GALK1: variants seen among roughly 807,000 people sequenced by gnomAD.
GALK1 encodes the protein galactokinase.
GALK1 carries 30 observed loss-of-function variants against 38.6 expected under a neutral mutation model. The ratio of observed to expected loss-of-function variants is 0.78; its 90% CI spans 0.58 to 1.05. GALK1 has a LOEUF of 1.05. Ranked by LOEUF, GALK1 falls within the 50% of genes least tolerant of loss-of-function variation. The probability of loss-of-function intolerance (pLI) is 0.00; values close to 1 mark genes in which losing one functional copy is unlikely to be tolerated. For missense variants in GALK1, 512 were observed against 540.5 expected (o/e 0.95, Z 0.52); for synonymous variants, 240 against 233.6 (o/e 1.03, Z -0.25).
chr17:75,756,938 C>T (rs772367507), downstream of GALK1: 42 of 1,612,366 alleles, frequency 2.6e-5, no homozygotes, highest in Non-Finnish European at 3.6e-5. Context: ...ATCTTCCCTG[C>T]TCAGGGCCAG....
At chr17:75,759,531 A>T (rs1401134529) in intron 5 of GALK1, among the ~76,000 whole-genome samples, 1 of 152,002 alleles carries the variant, frequency 6.6e-6, no homozygotes, top group African/African-American at 2.4e-5. Context: ...TGAGGGAAGG[A>T]GCCAGGCAGC....
At chr17:75,761,523 A>G (rs1175345135) in intron 5 of GALK1, among the ~76,000 whole-genome samples, 2 of 150,726 alleles carry the variant, frequency 1.3e-5, no homozygotes, top group Non-Finnish European at 3.0e-5. Flanking sequence ...AAGCTAAGGC[A>G]GGAGAATCAT....
In GALK1 at chr17:75,758,319, A is replaced by C. The variant is rs2061565422; in HGVS notation, c.998T>G (p.Leu333Arg). 1.3e-6 allele frequency: 2 copies of C among 1,594,140 alleles called. No homozygotes were observed. The highest frequency in any genetic ancestry group is 1.7e-6 in the Non-Finnish European group (2 of 1,171,310). Reference sequence around the variant, plus strand: ...GCTGCCATAAACCCCAGGCACAGCAAGCGCAGCCTCCACCAGCTGGTCCAG... The same window carrying C: ...GCTGCCATAAACCCCAGGCACAGCACGCGCAGCCTCCACCAGCTGGTCCAG... The part of the protein sequence containing the change: ...PELDQLVEAA[L>R]AVPGVYGSRM... The change falls in exon 7 of 8, where the codon CTT becomes CGT. Residue 333 changes from leucine to arginine, a missense_variant. Transcript: ENST00000588479.
downstream of GALK1, chr17:75,754,977 C>G: frequency 6.5e-7 from 1 of 1,530,504 alleles, no homozygotes; most frequent in Non-Finnish European, 8.9e-7. Flanking sequence ...CACACATGTA[C>G]ACAGACATGC....
rs140567957 is a variant in GALK1, at chr17:75,752,220, C to T, written c.*23-483G>A. ...AAGTGCTGGTTGACAACCCTAAGAACCGGATGCTGCTTATTGAGAACCTTC... is the reference window on the plus strand; with the variant it reads ...AAGTGCTGGTTGACAACCCTAAGAATCGGATGCTGCTTATTGAGAACCTTC... On this transcript the variant is annotated intron_variant, in intron 8 of 8. Transcript: ENST00000225614. 1 of 1,613,812 alleles carries T rather than the reference C, an allele frequency of 6.2e-7. No homozygotes were observed. Among genetic ancestry groups the T allele is most frequent in the African/African-American group, 1.3e-5 (1 of 74,938 alleles).
At position 75,765,056 on chromosome 17, in the gene GALK1, CT is replaced by C; in HGVS notation, c.80del (p.Glu27GlyfsTer34). On this transcript the variant is annotated frameshift_variant, in exon 1 of 8. Coordinates refer to ENST00000588479, the MANE Select transcript of GALK1 (RefSeq NM_000154.2). LOFTEE classifies it high-confidence loss of function. ...CCGGCGCTGACACGGCCAGCTCGGG[CT>C]CGGCCCCGAACTCCTCCCGGAAGGC... The part of the protein sequence containing the change: ...RRAFREEFGA[E>X]PELAVSAPGR... 1 of 1,604,580 alleles carries C rather than the reference CT, an allele frequency of 6.2e-7. No individual in the cohort carries two copies. The highest frequency in any genetic ancestry group is 1.1e-5 in the South Asian group (1 of 89,952).
chr17:75,752,236 G>A, intron 8 of GALK1: 3 of 1,613,830 alleles, frequency 1.9e-6, no homozygotes, highest in Non-Finnish European at 2.5e-6. Context: ...GCTGCTTATT[G>A]AGAACCTTCG....
At chr17:75,764,713 G>A in intron 1 of GALK1, 1 of 614,942 alleles carries the variant, frequency 1.6e-6, no homozygotes, top group South Asian at 1.8e-5. Context: ...GGTTGAAGGC[G>A]AGGAGCCCCA....
downstream of GALK1, among the ~76,000 whole-genome samples, chr17:75,753,608 C>T (rs2143445930): frequency 6.6e-6 from 1 of 152,330 alleles, no homozygotes; most frequent in Non-Finnish European, 1.5e-5. Flanking sequence ...CCTTCCCGCT[C>T]CGGCCGTGCG....
chr17:75,755,853 G>A (rs1379124918), downstream of GALK1: 14 of 1,601,940 alleles, frequency 8.7e-6, no homozygotes, highest in Non-Finnish European at 1.2e-5. Flanking sequence ...GAACGGCGGT[G>A]AGGCATGGTG....
chr17:75,764,124 A>G (rs772246703), intron 1 of GALK1, 38 bp from the exon 2 acceptor site: 1 of 1,533,416 alleles, frequency 6.5e-7, no homozygotes, highest in Non-Finnish European at 8.8e-7. Context: ...GGCTTCCGCC[A>G]GCTGGAGTAA....
At position 75,765,161 on chromosome 17, in the gene GALK1, G is replaced by T. The variant is rs1195230874; in HGVS notation, c.-25C>A. On this transcript the variant is annotated 5_prime_UTR_variant, in exon 1 of 8. It adds an upstream start codon to the 5' untranslated region. Coordinates refer to ENST00000588479, the MANE Select transcript of GALK1 (RefSeq NM_000154.2). ...TGACGCGCGCCTGCAGCTCTGCACA[G>T]CTGCTCCGGCACAGCCCCGTCGGCG... 2.7e-6 allele frequency: 4 copies of T among 1,498,160 alleles called. No homozygotes were observed. Among genetic ancestry groups the T allele is most frequent in the South Asian group, 1.3e-5 (1 of 78,328 alleles). 92.8% of individuals were successfully genotyped at this position (1,498,160 alleles called of 1,614,324 possible). A position where few individuals can be genotyped will look rare whatever the true frequency, so the allele number is the denominator to read the frequency against.
intron 5 of GALK1, among the ~76,000 whole-genome samples, chr17:75,761,004 C>T (rs1045921337): frequency 1.3e-5 from 2 of 152,036 alleles, no homozygotes; most frequent in Non-Finnish European, 2.9e-5. Flanking sequence ...GAGTTCACGA[C>T]CAGCCCGACC....
chr17:75,763,353 C>A lies in GALK1; in HGVS notation c.442G>T (p.Ala148Ser), dbSNP rs140148059. 63 of 1,613,798 alleles carry A rather than the reference C, an allele frequency of 3.9e-5. No homozygotes were observed. The Admixed American group carries it at 1.1e-3, about 27-fold the overall frequency. ...AGCTGCTGGAGGAAGGTGTACGTGG[C>A]CACTTCCAAGGATGCTGAGCTGGAC... ...GLSSSASLEV[A>S]TYTFLQQLCP... Residue 148 changes from alanine (A) to serine (S), a missense_variant, in exon 3 of 8, where the codon GCC (alanine) becomes TCC (serine). Transcript: ENST00000588479.
At chr17:75,756,705 C>G, downstream of GALK1, 1 of 1,613,478 alleles carries the variant, frequency 6.2e-7, no homozygotes, top group Non-Finnish European at 8.5e-7. Context: ...TGCCCCCAGG[C>G]TCCGCCTTCA....
downstream of GALK1, among the ~76,000 whole-genome samples, chr17:75,755,461 T>C (rs2061475490): frequency 6.6e-6 from 1 of 151,432 alleles, no homozygotes; most frequent in South Asian, 2.1e-4. Context: ...GTTGAGGGGG[T>C]GGGGCTGGCA....
chr17:75,759,432 A>AAAC (rs1284170540), intron 5 of GALK1, among the ~76,000 whole-genome samples: 2 of 148,138 alleles, frequency 1.4e-5, no homozygotes, highest in African/African-American at 5.3e-5. Flanking sequence ...CCTCTCAAAA[A>AAAC]AAAAGAAAGA....
chr17:75,751,578 G>A (rs531250853), downstream of GALK1: 22 of 229,860 alleles, frequency 9.6e-5, no homozygotes, highest in South Asian at 6.5e-4. Flanking sequence ...TGGTGAAACC[G>A]TTTCTACTAA....
At position 75,763,959 on chromosome 17, in the gene GALK1, G is replaced by A. The variant is rs751610911; in HGVS notation, c.293C>T (p.Ser98Leu). Reference protein sequence around the residue: ...LQFPLPTAQRSLEPGTPRWAN... With the variant: ...LQFPLPTAQRLLEPGTPRWAN... Reference sequence around the variant, plus strand: ...CCACCGAGGAGTCCCAGGCTCCAGCGAGCGCTGGGCTGTGGGCAGTGGAAA... The same window carrying A: ...CCACCGAGGAGTCCCAGGCTCCAGCAAGCGCTGGGCTGTGGGCAGTGGAAA... Residue 98 changes from serine to leucine, a missense_variant, in exon 2 of 8, where the codon TCG (serine) becomes TTG (leucine). Physicochemically the swap from Ser to Leu is moderately radical, Grantham distance 145 (BLOSUM62 -2). Coordinates refer to ENST00000588479, the MANE Select transcript of GALK1 (RefSeq NM_000154.2). 59 of 1,613,352 alleles carry A rather than the reference G, an allele frequency of 3.7e-5. 1 individual carries two copies. In the South Asian group the frequency reaches 4.9e-4, roughly 14 times the overall value.
Sources: gnomAD v4.1 joint callset for allele counts (sites outside exome capture counted in the v4.1 genomes callset) on GRCh38, gnomAD v4.1.1 for gene constraint, MANE v1.5 for transcripts, NCBI Gene and HGNC (gene_info 2026-07-23, HGNC 2026-07-21) for gene names.